PDE10A: variants seen among roughly 807,000 people sequenced by gnomAD.
The protein encoded by PDE10A is phosphodiesterase 10A.
In PDE10A, 39 loss-of-function variants were observed where a neutral mutation model predicts 97.7. The observed-to-expected ratio is 0.40, with a 90% confidence interval of 0.31 to 0.52. The LOEUF (loss-of-function observed/expected upper bound fraction) is 0.52. Among genes scored for constraint, PDE10A ranks in the 20% least tolerant of loss-of-function variants. PDE10A has a pLI of 0.56. For synonymous variants in PDE10A, 371 were observed against 376.8 expected (o/e 0.98, Z 0.18); for missense variants, 731 against 1,047.8 (o/e 0.70, Z 4.17).
In PDE10A at chr6:165,566,598, G is replaced by A. The variant is rs373112287; in HGVS notation, c.866-23030C>T. Among the ~76,000 whole-genome samples the A allele has an allele frequency of 4.6e-5, 7 of 152,250 alleles. No individual in the cohort carries two copies. In the East Asian group the frequency reaches 7.7e-4, roughly 17 times the overall value. ...TCTCCAAGTAACTCAATTACACTGCGGAACATGATACCAAGGAGAAGATTC... is the reference window on the plus strand; with the variant it reads ...TCTCCAAGTAACTCAATTACACTGCAGAACATGATACCAAGGAGAAGATTC... On this transcript the variant is annotated intron_variant, in intron 1 of 21. Transcript: ENST00000539869.
intron 13 of PDE10A, among the ~76,000 whole-genome samples, chr6:165,406,417 A>G (rs1209248974): frequency 6.6e-6 from 1 of 152,214 alleles, no homozygotes; most frequent in East Asian, 1.9e-4. Context: ...TTCATCATCT[A>G]TAATTACAAA....
At chr6:165,676,939 G>C (rs563599293) in intron 1 of PDE10A, among the ~76,000 whole-genome samples, 3 of 152,166 alleles carry the variant, frequency 2.0e-5, no homozygotes, top group Admixed American at 1.3e-4. Flanking sequence ...CCAGCAGGAC[G>C]GGTCCTCACT....
intron 2 of PDE10A, among the ~76,000 whole-genome samples, chr6:165,532,877 C>T (rs1357132483): frequency 1.3e-5 from 2 of 152,102 alleles, no homozygotes; most frequent in African/African-American, 2.4e-5. Context: ...GCTTACACAC[C>T]GGAGTCACTG....
At chr6:165,945,839 A>G (rs1291384705) in intron 1 of PDE10A, among the ~76,000 whole-genome samples, 1 of 152,258 alleles carries the variant, frequency 6.6e-6, no homozygotes, top group African/African-American at 2.4e-5. Context: ...AAACAGGTAC[A>G]ATAATGCTAA....
intron 1 of PDE10A, among the ~76,000 whole-genome samples, chr6:165,829,002 C>G (rs1779834255): frequency 6.6e-6 from 1 of 152,232 alleles, no homozygotes; most frequent in African/African-American, 2.4e-5. Flanking sequence ...CTCCATTCCA[C>G]TTTGATTGGG....
intron 1 of PDE10A, among the ~76,000 whole-genome samples, chr6:165,630,374 T>C (rs3008034): frequency 0.32 from 48,411 of 151,994 alleles, 7,949 homozygotes; most frequent in Middle Eastern, 0.49. Context: ...AAACTGTATA[T>C]AGAAACACTT....
chr6:165,548,208 T>C (rs1056198133), intron 1 of PDE10A, among the ~76,000 whole-genome samples: 9 of 149,444 alleles, frequency 6.0e-5, no homozygotes, highest in Admixed American at 6.0e-4. Flanking sequence ...TAACCATAAA[T>C]ACTACTATCA....
chr6:165,637,261 C>G (rs1788920295), intron 1 of PDE10A, among the ~76,000 whole-genome samples: 1 of 152,138 alleles, frequency 6.6e-6, no homozygotes, highest in Non-Finnish European at 1.5e-5. Context: ...AATCACAGAT[C>G]AAGGCTGAAG....
chr6:165,770,051 G>A (rs1361580652), intron 1 of PDE10A, among the ~76,000 whole-genome samples: 1 of 151,708 alleles, frequency 6.6e-6, no homozygotes, highest in African/African-American at 2.4e-5. Flanking sequence ...CAGATGCTCT[G>A]CTCTAAGAAA....
intron 1 of PDE10A, among the ~76,000 whole-genome samples, chr6:165,837,254 T>C (rs1055801254): frequency 6.6e-6 from 1 of 151,476 alleles, no homozygotes; most frequent in Non-Finnish European, 1.5e-5. Context: ...CCCAGAGAAA[T>C]GAAATACTGT....
chr6:165,729,498 C>A (rs917173738), intron 1 of PDE10A, among the ~76,000 whole-genome samples: 1 of 152,132 alleles, frequency 6.6e-6, no homozygotes. Flanking sequence ...CCTGCTCCTA[C>A]CACAGGGGGG....
At chr6:165,689,815 G>C (rs769191971) in intron 1 of PDE10A, among the ~76,000 whole-genome samples, 11 of 152,090 alleles carry the variant, frequency 7.2e-5, no homozygotes, top group Non-Finnish European at 1.5e-4. Flanking sequence ...AATCGCTAAA[G>C]TGTCCAGCCC....
At chr6:165,893,902 C>T (rs1403536558) in intron 1 of PDE10A, among the ~76,000 whole-genome samples, 1 of 149,166 alleles carries the variant, frequency 6.7e-6, no homozygotes, top group Non-Finnish European at 1.5e-5. Context: ...CAGTAATGAA[C>T]ACATGGTGCT....
At chr6:165,825,712 T>C (rs1779720282) in intron 1 of PDE10A, among the ~76,000 whole-genome samples, 1 of 152,162 alleles carries the variant, frequency 6.6e-6, no homozygotes, top group African/African-American at 2.4e-5. Flanking sequence ...ATGGCTCCTG[T>C]GCCTTGGGAG....
intron 2 of PDE10A, among the ~76,000 whole-genome samples, chr6:165,526,685 C>G (rs1782466824): frequency 6.6e-6 from 1 of 152,162 alleles, no homozygotes; most frequent in Non-Finnish European, 1.5e-5. Flanking sequence ...AGTGGTGAGT[C>G]CAATTGCAGC....
chr6:165,583,374 G>A (rs1785723655), intron 1 of PDE10A, among the ~76,000 whole-genome samples: 1 of 152,148 alleles, frequency 6.6e-6, no homozygotes, highest in African/African-American at 2.4e-5. Context: ...TACTCCAGGA[G>A]GCCAAAAATC....
At chr6:165,428,377 T>G (rs745787693) in intron 10 of PDE10A, among the ~76,000 whole-genome samples, 10 of 152,154 alleles carry the variant, frequency 6.6e-5, no homozygotes, top group African/African-American at 2.4e-4. Context: ...ATGTCCCATA[T>G]GTAAGAGGTG....
chr6:165,874,444 T>C (rs57605283), intron 1 of PDE10A, among the ~76,000 whole-genome samples: 3,152 of 152,308 alleles, frequency 0.021, 112 homozygotes, highest in African/African-American at 0.073. Flanking sequence ...TTGTGAGACA[T>C]GCTAAGTGAG....
intron 1 of PDE10A, among the ~76,000 whole-genome samples, chr6:165,764,610 C>A (rs1374759952): frequency 2.6e-5 from 4 of 152,016 alleles, no homozygotes; most frequent in African/African-American, 9.7e-5. Flanking sequence ...TGCAGACCTT[C>A]GCAGTGAGTG....
Sources: allele counts gnomAD v4.1 joint callset (sites outside exome capture counted in the v4.1 genomes callset), GRCh38; gene constraint gnomAD v4.1.1; transcripts MANE v1.5; gene names NCBI Gene and HGNC (gene_info 2026-07-23, HGNC 2026-07-21).